The following PHACTR2 variants were observed in gnomAD, a reference collection of about 807,000 sequenced individuals.
The protein encoded by PHACTR2 is phosphatase and actin regulator 2.
Under a neutral mutation model 76.0 loss-of-function variants are expected in PHACTR2, and 30 were observed. That is an observed-to-expected ratio of 0.39 (90% CI 0.30 to 0.54). PHACTR2 has a LOEUF of 0.54. Among genes scored for constraint, PHACTR2 ranks in the 20% least tolerant of loss-of-function variants. PHACTR2 has a pLI of 0.61. For missense variants in PHACTR2, 696 were observed against 781.1 expected, an observed-to-expected ratio of 0.89 and a Z score of 1.30; for synonymous variants, 292 against 292.5, an observed-to-expected ratio of 1.00 and a Z score of 0.02.
chr6:143,587,008 G>A (rs562500831), intron 1 of PHACTR2, among the ~76,000 whole-genome samples: 23 of 152,180 alleles, frequency 1.5e-4, no homozygotes, highest in Non-Finnish European at 2.8e-4. Flanking sequence ...TGGATTAATT[G>A]TGTCGAAAGC....
chr6:143,660,151 A>G (rs1040645389), intron 1 of PHACTR2, among the ~76,000 whole-genome samples: 12 of 151,784 alleles, frequency 7.9e-5, no homozygotes, highest in African/African-American at 1.9e-4. Flanking sequence ...TAAATCCTCA[A>G]TCTCCTTTTC....
Position 143,816,327 on chromosome 6 carries a change from A to G in PHACTR2, c.1923-7347A>G, listed in dbSNP as rs1242206013. ...AATACCGAGAAATAACAAACTGAAGAGTATTTTGCATTTTCAGTACCTCTA... is the reference window on the plus strand; with the variant it reads ...AATACCGAGAAATAACAAACTGAAGGGTATTTTGCATTTTCAGTACCTCTA... On this transcript the variant is annotated intron_variant, in intron 12 of 12. Coordinates refer to ENST00000440869, the MANE Select transcript of PHACTR2 (RefSeq NM_001100164.2). The surrounding 1 kb of genome is among the most constrained non-coding windows in gnomAD (Gnocchi z 4.5). Among the ~76,000 whole-genome samples, 1 of 152,194 alleles carries G rather than the reference A, an allele frequency of 6.6e-6. No individual in the cohort carries two copies. The highest frequency in any genetic ancestry group is 1.9e-4 in the East Asian group (1 of 5,200).
rs1209777995 is a variant in PHACTR2 at position 143,578,672 on chromosome 6, AGAG to A, written c.217+41471_217+41473del. Among the ~76,000 whole-genome samples the A allele has an allele frequency of 1.3e-5, 2 of 152,024 alleles. No individual in the cohort carries two copies. Among genetic ancestry groups the A allele is most frequent in the African/African-American group, 4.8e-5 (2 of 41,402 alleles). Reference sequence around the variant, plus strand: ...AGGAGGAGGAGGAGGAGGAAGGAGAAGAGGAGGACATGAGTGCAGAAGAGGAGG... The same window carrying A: ...AGGAGGAGGAGGAGGAGGAAGGAGAAGAGGACATGAGTGCAGAAGAGGAGG... On this transcript the variant is annotated intron_variant, in intron 1 of 11. Coordinates refer to the PHACTR2 transcript ENST00000367584. The surrounding 1 kb of genome is among the most constrained non-coding windows in gnomAD (Gnocchi z 4.5).
At position 143,793,953 on chromosome 6, in the gene PHACTR2, A is replaced by AT. The variant is rs1366365536; in HGVS notation, c.1845+5044dup. On this transcript the variant is annotated intron_variant, in intron 11 of 12. Coordinates refer to ENST00000440869, the MANE Select transcript of PHACTR2 (RefSeq NM_001100164.2). The surrounding 1 kb of genome is among the most constrained non-coding windows in gnomAD (Gnocchi z 4.4). ...AAATAATATGGTACACTTTTTAAAG[A>AT]TAAAAAATAGAAAAATGCAACAATT... Among the ~76,000 whole-genome samples, 1 of 152,062 alleles carries AT rather than the reference A, an allele frequency of 6.6e-6. No homozygotes were observed. Among genetic ancestry groups the AT allele is most frequent in the Non-Finnish European group, 1.5e-5 (1 of 68,016 alleles).
intron 1 of PHACTR2, among the ~76,000 whole-genome samples, chr6:143,563,560 A>AAAAACAAAC (rs749844010): frequency 7.0e-6 from 1 of 143,156 alleles, no homozygotes; most frequent in Non-Finnish European, 1.5e-5. Flanking sequence ...TCAAAAAAAA[A>AAAAACAAAC]AAAAAAAAAA....
chr6:143,773,727 AC>A (rs1775206571), intron 7 of PHACTR2, among the ~76,000 whole-genome samples: 5 of 152,228 alleles, frequency 3.3e-5, no homozygotes, highest in Non-Finnish European at 5.9e-5. Context: ...TGAAAAAGAA[AC>A]AGAATTGTGC....
chr6:143,685,907 G>A (rs1464082016), intron 1 of PHACTR2, among the ~76,000 whole-genome samples: 1 of 152,084 alleles, frequency 6.6e-6, no homozygotes, highest in Non-Finnish European at 1.5e-5. Flanking sequence ...CAAGGCAGGT[G>A]GATCACCTGG....
Position 143,611,694 on chromosome 6 carries a change from G to C in PHACTR2, c.13+3372G>C, listed in dbSNP as rs1775977513. Among the ~76,000 whole-genome samples the C allele has an allele frequency of 1.3e-5, 2 of 152,230 alleles. No homozygotes were observed. The highest frequency in any genetic ancestry group is 4.1e-4 in the South Asian group (2 of 4,836). On this transcript the variant is annotated intron_variant, in intron 1 of 11. Coordinates refer to the PHACTR2 transcript ENST00000305766. This position sits in a 1 kb window ranked among gnomAD's most constrained non-coding sequence, Gnocchi z 4.4. ...TTTAGAGAGTCATCAAAAGATTGAA[G>C]CAGGTTGCTTTATGAACAAATAAAT...
At position 143,608,246 on chromosome 6, in the gene PHACTR2, T is replaced by G. The variant is rs1775912292; in HGVS notation, c.-64T>G. 6.3e-7 allele frequency: 1 copy of G among 1,584,588 alleles called. No homozygotes were observed. Among genetic ancestry groups the G allele is most frequent in the South Asian group, 1.1e-5 (1 of 90,132 alleles). ...TCAGCAGAAGGACAGGGTGCTTCGTTAGTCAGAAGAGCCAGGGCTTCCCGG... is the reference window on the plus strand; with the variant it reads ...TCAGCAGAAGGACAGGGTGCTTCGTGAGTCAGAAGAGCCAGGGCTTCCCGG... On this transcript the variant is annotated 5_prime_UTR_variant, in exon 1 of 12. Coordinates refer to the PHACTR2 transcript ENST00000305766. The surrounding 1 kb of genome is among the most constrained non-coding windows in gnomAD (Gnocchi z 4.6).
chr6:143,600,659 G>A (rs768730441), intron 1 of PHACTR2, among the ~76,000 whole-genome samples: 4 of 152,192 alleles, frequency 2.6e-5, no homozygotes, highest in Non-Finnish European at 4.4e-5. Flanking sequence ...GTATCTCAAT[G>A]CCTTTTACAG....
intron 1 of PHACTR2, among the ~76,000 whole-genome samples, chr6:143,620,530 C>T (rs1393201745): frequency 2.6e-5 from 4 of 151,970 alleles, no homozygotes; most frequent in East Asian, 1.9e-4. Context: ...CACAGTTCTC[C>T]GGTGAATTAT....
chr6:143,770,719 TG>T (rs1375182454), intron 6 of PHACTR2, among the ~76,000 whole-genome samples: 1 of 152,122 alleles, frequency 6.6e-6, no homozygotes, highest in Non-Finnish European at 1.5e-5. Flanking sequence ...GAAAGCAATT[TG>T]GGGGATCTTT....
chr6:143,645,338 G>A (rs537066427), intron 1 of PHACTR2, among the ~76,000 whole-genome samples: 1 of 152,036 alleles, frequency 6.6e-6, no homozygotes, highest in African/African-American at 2.4e-5. Flanking sequence ...ATACTACTCA[G>A]CCATGAAAAG....
At position 143,698,218 on chromosome 6, in the gene PHACTR2, G is replaced by C. The variant is rs1777815407; in HGVS notation, c.47-13798G>C. On this transcript the variant is annotated intron_variant, in intron 1 of 12. Coordinates refer to ENST00000440869, the MANE Select transcript of PHACTR2 (RefSeq NM_001100164.2). The surrounding 1 kb of genome is among the most constrained non-coding windows in gnomAD (Gnocchi z 4.3). The stretch of plus-strand genomic sequence containing the variant: ...TGTGTGTTTTATCCAAATCCTGCTG[G>C]AGCAACTCATTCTCTGGAATGCTTG... Among the ~76,000 whole-genome samples, 2 of 152,132 alleles carry C rather than the reference G, an allele frequency of 1.3e-5. No individual in the cohort carries two copies. Among genetic ancestry groups the C allele is most frequent in the South Asian group, 4.1e-4 (2 of 4,824 alleles).
At position 143,818,411 on chromosome 6, in the gene PHACTR2, T is replaced by C. The variant is rs1360108861; in HGVS notation, c.1923-5263T>C. On this transcript the variant is annotated intron_variant, in intron 12 of 12. Transcript: ENST00000440869. This position sits in a 1 kb window ranked among gnomAD's most constrained non-coding sequence, Gnocchi z 4.9. ...TTTCCACATCTGTACAAAGATGATA[T>C]AGGAGTACTTTCATCGTAAGATTGT... 2.0e-5 allele frequency among the ~76,000 whole-genome samples: 3 copies of C among 152,184 alleles called. No homozygotes were observed. The highest frequency in any genetic ancestry group is 4.4e-5 in the Non-Finnish European group (3 of 68,024).
rs935303555 is a variant in PHACTR2 at position 143,574,861 on chromosome 6, G to A, written c.217+37654G>A. On this transcript the variant is annotated intron_variant, in intron 1 of 11. Transcript: ENST00000367584. ...CCCCAATTTTTTAAAAACTAAAGGC[G>A]TGGTGTAAAACAGCAACAACAACAA... Among the ~76,000 whole-genome samples, 3 of 152,144 alleles carry A rather than the reference G, an allele frequency of 2.0e-5. No individual in the cohort carries two copies. The South Asian group carries it at 6.2e-4, about 32-fold the overall frequency.
Position 143,765,345 on chromosome 6 carries a change from C to T in PHACTR2, c.779C>T (p.Ala260Val). 6.2e-7 allele frequency: 1 copy of T among 1,614,196 alleles called. No individual in the cohort carries two copies. Among genetic ancestry groups the T allele is most frequent in the South Asian group, 1.1e-5 (1 of 91,086 alleles). ...STSSTSSRPK[A>V]SKETVSSKAG... ...TCATCCACCTCATCTCGTCCCAAAGCTTCAAAGGAGACAGTTTCTAGCAAA... is the reference window on the plus strand; with the variant it reads ...TCATCCACCTCATCTCGTCCCAAAGTTTCAAAGGAGACAGTTTCTAGCAAA... Residue 260 changes from alanine (A) to valine (V), a missense_variant, in exon 6 of 13, where the codon GCT becomes GTT. Coordinates refer to ENST00000440869, the MANE Select transcript of PHACTR2 (RefSeq NM_001100164.2). The surrounding 1 kb of genome is among the most constrained non-coding windows in gnomAD (Gnocchi z 4.1).
chr6:143,642,046 G>A (rs542543938), intron 1 of PHACTR2, among the ~76,000 whole-genome samples: 30 of 152,220 alleles, frequency 2.0e-4, no homozygotes, highest in African/African-American at 5.3e-4. Context: ...ACACTGTAGC[G>A]CCTCTTTAAT....
At chr6:143,686,284 C>G (rs1167760278) in intron 1 of PHACTR2, among the ~76,000 whole-genome samples, 1 of 151,932 alleles carries the variant, frequency 6.6e-6, no homozygotes, top group East Asian at 1.9e-4. Flanking sequence ...CATCAAGAGA[C>G]TTGTTGAATT....
Sources: gnomAD v4.1 joint callset for allele counts (sites outside exome capture counted in the v4.1 genomes callset) on GRCh38, gnomAD v4.1.1 for gene constraint, Gnocchi (gnomAD v3.1) non-coding constraint, MANE v1.5 for transcripts, NCBI Gene and HGNC (gene_info 2026-07-23, HGNC 2026-07-21) for gene names.